Variants in WDR97 observed in about 807,000 individuals in gnomAD.
The protein encoded by WDR97 is WD repeat-containing protein 97.
In WDR97, 111 loss-of-function variants were observed where a neutral mutation model predicts 65.4. The observed-to-expected ratio is 1.70, with a 90% CI of 1.45 to 1.99. The LOEUF is 1.99. WDR97 is among the 30% of genes most tolerant of loss of function. WDR97 has a pLI of 0.00. For missense variants in WDR97, 1,674 were observed against 865.0 expected, an observed-to-expected ratio of 1.94 and a Z score of -11.73; for synonymous variants, 802 against 397.7, an observed-to-expected ratio of 2.02 and a Z score of -12.10.
chr8:144,115,679 C>A lies in WDR97; in HGVS notation c.4416C>A (p.Asp1472Glu). 1.4e-6 allele frequency: 1 copy of A among 699,472 alleles called. No homozygotes were observed. The allele number at this position is 699,472 out of a possible 1,614,324, so 43.3% of individuals were successfully genotyped here. A position where few individuals can be genotyped will look rare whatever the true frequency, so the allele number is the denominator to read the frequency against. Residue 1472 changes from aspartate (D) to glutamate (E), a missense_variant, in exon 22 of 24, where the codon GAC becomes GAA. Transcript: ENST00000323662. ...PGEPPPLEET[D>E]WSHSQLLDLG... ...AGCCGCCGCCGCTGGAGGAGACCGA[C>A]TGGTCGCACTCGCAGCTGCTGGACT...
In WDR97 at chr8:144,115,375, C is replaced by T; in HGVS notation, c.4112C>T (p.Ala1371Val). ...TCGCAGACGTCAGTGGTCTCTGGGG[C>T]ACCCACACGCGCCTCCGTGATACCC... ...TPSQTSVVSG[A>V]PTRASVIPSG... Residue 1371 changes from alanine to valine, a missense_variant, in exon 22 of 24, where the codon GCA becomes GTA. Coordinates refer to ENST00000323662, the MANE Select transcript of WDR97 (RefSeq NM_001316309.2). 1.6e-6 allele frequency: 1 copy of T among 615,624 alleles called. No individual in the cohort carries two copies. 38.1% of individuals were successfully genotyped at this position (615,624 alleles called of 1,614,324 possible).
Position 144,109,322 on chromosome 8 carries a change from A to C in WDR97, c.1001-13A>C, listed in dbSNP as rs1228113617. On this transcript the variant is annotated splice_polypyrimidine_tract_variant and intron_variant, in intron 4 of 23. Coordinates refer to ENST00000323662, the MANE Select transcript of WDR97 (RefSeq NM_001316309.2). ...GCCTTCAGTCGGCCGAGTGACCTGC[A>C]CCCCTCCCACAGGCCCGGTGACGGC... 1 of 701,458 alleles carries C rather than the reference A, an allele frequency of 1.4e-6. No individual in the cohort carries two copies. The highest frequency in any genetic ancestry group is 2.6e-6 in the Non-Finnish European group (1 of 384,450). The allele number at this position is 701,458 out of a possible 1,614,324, so 43.5% of individuals were successfully genotyped here. A position where few individuals can be genotyped will look rare whatever the true frequency, so the allele number is the denominator to read the frequency against.
Position 144,111,622 on chromosome 8 carries a change from C to A in WDR97, c.2488-10C>A. 1.5e-6 allele frequency: 1 copy of A among 683,064 alleles called. No homozygotes were observed. The highest frequency in any genetic ancestry group is 1.5e-5 in the South Asian group (1 of 64,992). 42.3% of individuals were successfully genotyped at this position (683,064 alleles called of 1,614,324 possible). ...AGGAAGAGCAGGCTGATCCCTGAAC[C>A]CTGACTCAGGACTTGGACGCCATAG... On this transcript the variant is annotated splice_polypyrimidine_tract_variant and intron_variant, in intron 11 of 23. Transcript: ENST00000323662.
At position 144,110,451 on chromosome 8, in the gene WDR97, G is replaced by C. The variant is rs1290407576; in HGVS notation, c.1954G>C (p.Gly652Arg). Reference protein sequence around the residue: ...CYPAVALCALGRRVTAGFEDP... With the variant: ...CYPAVALCALRRRVTAGFEDP... ...CCCGGCCGTGGCGCTCTGTGCGCTAGGCAGACGCGTCACCGCGGGCTTTGA... is the reference window on the plus strand; with the variant it reads ...CCCGGCCGTGGCGCTCTGTGCGCTACGCAGACGCGTCACCGCGGGCTTTGA... The change falls in exon 7 of 24, where the codon GGC (glycine) becomes CGC (arginine). Residue 652 changes from glycine to arginine, a missense_variant. Coordinates refer to ENST00000323662, the MANE Select transcript of WDR97 (RefSeq NM_001316309.2). 2.8e-6 allele frequency: 2 copies of C among 702,924 alleles called. No individual in the cohort carries two copies. The highest frequency in any genetic ancestry group is 4.0e-5 in the Admixed American group (2 of 50,006). 43.5% of individuals were successfully genotyped at this position (702,924 alleles called of 1,614,324 possible).
chr8:144,110,749 G>A lies in WDR97; in HGVS notation c.2171+10G>A, dbSNP rs913581467. ...AGAACCGCCTCCTGCGGTAGGCTAG[G>A]AGGTGGGGAGGGCTGGGGTCTCCTA... On this transcript the variant is annotated intron_variant, in intron 8 of 23. Coordinates refer to ENST00000323662, the MANE Select transcript of WDR97 (RefSeq NM_001316309.2). 5.7e-6 allele frequency: 4 copies of A among 702,642 alleles called. No homozygotes were observed. Among genetic ancestry groups the A allele is most frequent in the Non-Finnish European group, 7.8e-6 (3 of 384,902 alleles). The allele number at this position is 702,642 out of a possible 1,614,324, so 43.5% of individuals were successfully genotyped here. A position where few individuals can be genotyped will look rare whatever the true frequency, so the allele number is the denominator to read the frequency against.
chr8:144,116,207 C>A lies in WDR97; in HGVS notation c.4783C>A (p.Pro1595Thr). Reference sequence around the variant, plus strand: ...TTTCCCCCTGGACTGGCCTATGCCCCCGCGCCCGCTGCCCCCGCGGCTCCT... The same window carrying A: ...TTTCCCCCTGGACTGGCCTATGCCCACGCGCCCGCTGCCCCCGCGGCTCCT... Reference protein sequence around the residue: ...QPFPLDWPMPPRPLPPRLLQP... With the variant: ...QPFPLDWPMPTRPLPPRLLQP... Residue 1595 changes from proline (P) to threonine (T), a missense_variant, in exon 24 of 24, where the codon CCG becomes ACG. Pro to Thr is a conservative substitution (Grantham distance 38). Coordinates refer to ENST00000323662, the MANE Select transcript of WDR97 (RefSeq NM_001316309.2). 1.5e-6 allele frequency: 1 copy of A among 688,722 alleles called. No homozygotes were observed. The allele number at this position is 688,722 out of a possible 1,614,324, so 42.7% of individuals were successfully genotyped here.
chr8:144,110,017 C>A lies in WDR97; in HGVS notation c.1683C>A (p.Ala561=). ...TGCGCTGCAGCTCTGTGGCCTGCGC[C>A]TGGAAGAACAAGAACCGGTGGGTGC... ...GELRCSSVAC[A]WKNKNRYLPV... Residue 561 remains alanine (A), a synonymous_variant, in exon 5 of 24, where the codon GCC becomes GCA. Coordinates refer to ENST00000323662, the MANE Select transcript of WDR97 (RefSeq NM_001316309.2). The A allele has an allele frequency of 1.4e-6, 1 of 696,960 alleles. No individual in the cohort carries two copies. The highest frequency in any genetic ancestry group is 1.5e-5 in the South Asian group (1 of 67,234). The allele number at this position is 696,960 out of a possible 1,614,324, so 43.2% of individuals were successfully genotyped here.
rs974795496 is a variant in WDR97, at chr8:144,112,389, G to T, written c.3021+40G>T. ...CAGGTGGGGTACCACCTACTGAGGG[G>T]CAGAGCTGCCGGGGTGCTAGGGGCT... On this transcript the variant is annotated intron_variant, in intron 14 of 23. Coordinates refer to ENST00000323662, the MANE Select transcript of WDR97 (RefSeq NM_001316309.2). 3 of 702,434 alleles carry T rather than the reference G, an allele frequency of 4.3e-6. No homozygotes were observed. In the African/African-American group the frequency reaches 5.2e-5, roughly 12 times the overall value. 43.5% of individuals were successfully genotyped at this position (702,434 alleles called of 1,614,324 possible). A position where few individuals can be genotyped will look rare whatever the true frequency, so the allele number is the denominator to read the frequency against.
At position 144,114,429 on chromosome 8, in the gene WDR97, G is replaced by A. The variant is rs1178911982; in HGVS notation, c.3746G>A (p.Gly1249Asp). 1.4e-6 allele frequency: 1 copy of A among 702,786 alleles called. No individual in the cohort carries two copies. Among genetic ancestry groups the A allele is most frequent in the Non-Finnish European group, 2.6e-6 (1 of 384,982 alleles). The allele number at this position is 702,786 out of a possible 1,614,324, so 43.5% of individuals were successfully genotyped here. The stretch of plus-strand genomic sequence containing the variant: ...AGTGATCTCCAAGGCCAGCTGCAGG[G>A]CCTGCTCGTACACTTGCTCAACCTG... ...MSSDLQGQLQ[G>D]LLVHLLNLDQ... is the part of the protein sequence containing the mutation. The change falls in exon 19 of 24, where the codon GGC (glycine) becomes GAC (aspartate). Residue 1249 changes from glycine to aspartate, a missense_variant. Coordinates refer to ENST00000323662, the MANE Select transcript of WDR97 (RefSeq NM_001316309.2).
Position 144,111,728 on chromosome 8 carries a change from C to T in WDR97, c.2584C>T (p.Arg862Cys), listed in dbSNP as rs544661734. ...AAQPPPSWQQRQEGFDNYLRL... is the reference protein window; with the variant it reads ...AAQPPPSWQQCQEGFDNYLRL... The stretch of plus-strand genomic sequence containing the variant: ...CCAGCCCCCACCCTCCTGGCAGCAG[C>T]GCCAGGAAGGCTTTGACAATTACCT... The change falls in exon 12 of 24, where the codon CGC (arginine) becomes TGC (cysteine). Residue 862 changes from arginine (R) to cysteine (C), a missense_variant. By Grantham distance (180) the Arg-to-Cys change is radical (BLOSUM62 -3). Coordinates refer to ENST00000323662, the MANE Select transcript of WDR97 (RefSeq NM_001316309.2). 3.2e-5 allele frequency: 22 copies of T among 695,306 alleles called. No individual in the cohort carries two copies. Among genetic ancestry groups the T allele is most frequent in the African/African-American group, 2.1e-4 (12 of 57,070 alleles). The allele number at this position is 695,306 out of a possible 1,614,324, so 43.1% of individuals were successfully genotyped here. A position where few individuals can be genotyped will look rare whatever the true frequency, so the allele number is the denominator to read the frequency against.
In WDR97 at chr8:144,117,720, A is replaced by G. The variant is rs1814794898; in HGVS notation, c.*1427A>G. The G allele has an allele frequency of 6.6e-6, 1 of 152,326 alleles. No individual in the cohort carries two copies. Among genetic ancestry groups the G allele is most frequent in the Non-Finnish European group, 1.5e-5 (1 of 68,178 alleles). 9.4% of individuals were successfully genotyped at this position (152,326 alleles called of 1,614,324 possible). A position where few individuals can be genotyped will look rare whatever the true frequency, so the allele number is the denominator to read the frequency against. ...AACCTCTGCCTCCCGGATTCAAGCA[A>G]TTCTCCTTCCTCAGCCTCCTGAGTA... On this transcript the variant is annotated 3_prime_UTR_variant, in exon 24 of 24. Transcript: ENST00000323662.
In WDR97 at chr8:144,108,776, C is replaced by G; in HGVS notation, c.710C>G (p.Ser237Ter). 1.4e-6 allele frequency: 1 copy of G among 702,368 alleles called. No individual in the cohort carries two copies. Among genetic ancestry groups the G allele is most frequent in the Non-Finnish European group, 2.6e-6 (1 of 384,760 alleles). 43.5% of individuals were successfully genotyped at this position (702,368 alleles called of 1,614,324 possible). A position where few individuals can be genotyped will look rare whatever the true frequency, so the allele number is the denominator to read the frequency against. ...SGGRRLVLRGSALHPPPSPTG... is the reference protein window; with the variant it reads ...SGGRRLVLRG ...GGTCGCCGCCTGGTGCTGCGAGGGT[C>G]AGCACTGCACCCGCCCCCGAGCCCA... The change falls in exon 3 of 24, where the codon TCA (serine) becomes TGA (stop). Residue 237 changes from serine to a stop codon, truncating the protein, a stop_gained. Transcript: ENST00000323662. LOFTEE classifies it high-confidence loss of function.
In WDR97 at chr8:144,111,175, C is replaced by G. The variant is rs943062167; in HGVS notation, c.2379C>G (p.Ser793=). 2.8e-6 allele frequency: 2 copies of G among 702,640 alleles called. No homozygotes were observed. The highest frequency in any genetic ancestry group is 5.2e-6 in the Non-Finnish European group (2 of 385,014). The allele number at this position is 702,640 out of a possible 1,614,324, so 43.5% of individuals were successfully genotyped here. A position where few individuals can be genotyped will look rare whatever the true frequency, so the allele number is the denominator to read the frequency against. The part of the protein sequence containing the change: ...LPLMSQESLT[S]AQLQRLTNLH... Reference sequence around the variant, plus strand: ...TGATGAGCCAGGAGTCACTGACTTCCGCCCAACTGCAGAGGCTCACCAACC... The same window carrying G: ...TGATGAGCCAGGAGTCACTGACTTCGGCCCAACTGCAGAGGCTCACCAACC... The change falls in exon 10 of 24, where the codon TCC becomes TCG. Residue 793 remains serine (S), a synonymous_variant. Transcript: ENST00000323662.
rs1836463288 is a variant in WDR97, at chr8:144,108,455, G to GCCTGCA, written c.397_402dup (p.Leu133_His134dup). ...TTCGTGGTGCTGGACGGCGCGGGCCGCCTGCACCTGCACAAGGAAGACGGC... is the reference window on the plus strand; with the variant it reads ...TTCGTGGTGCTGGACGGCGCGGGCCGCCTGCACCTGCACCTGCACAAGGAAGACGGC... On this transcript the variant is annotated inframe_insertion, in exon 3 of 24. Coordinates refer to ENST00000323662, the MANE Select transcript of WDR97 (RefSeq NM_001316309.2). 1 of 699,814 alleles carries GCCTGCA rather than the reference G, an allele frequency of 1.4e-6. No homozygotes were observed. The highest frequency in any genetic ancestry group is 2.0e-5 in the Admixed American group (1 of 49,832). The allele number at this position is 699,814 out of a possible 1,614,324, so 43.4% of individuals were successfully genotyped here.
rs529446745 is a variant in WDR97 at position 144,116,276 on chromosome 8, C to G, written c.4852C>G (p.Pro1618Ala). ...CTACTTTCTGCCAGCGGACGCGGAC[C>G]CTGACACCTACAGCTGACCGGACTG... is the stretch of plus-strand genomic sequence containing the variant. ...QRYFLPADAD[P>A]DTYS The change falls in exon 24 of 24, where the codon CCT (proline) becomes GCT (alanine). Residue 1618 changes from proline (P) to alanine (A), a missense_variant. By Grantham distance (27) the Pro-to-Ala change is conservative. Coordinates refer to ENST00000323662, the MANE Select transcript of WDR97 (RefSeq NM_001316309.2). The G allele has an allele frequency of 2.0e-5, 13 of 650,178 alleles. No homozygotes were observed. Among genetic ancestry groups the G allele is most frequent in the South Asian group, 2.0e-4 (12 of 61,242 alleles). 40.3% of individuals were successfully genotyped at this position (650,178 alleles called of 1,614,324 possible).
In WDR97 at chr8:144,109,575, T is replaced by C. The variant is rs775430761; in HGVS notation, c.1241T>C (p.Leu414Pro). Reference protein sequence around the residue: ...SSMQLWRVRELYSPLAQLPAK... With the variant: ...SSMQLWRVREPYSPLAQLPAK... ...ATGCAGCTGTGGCGCGTACGCGAGCTCTACTCGCCGTTGGCGCAACTGCCC... is the reference window on the plus strand; with the variant it reads ...ATGCAGCTGTGGCGCGTACGCGAGCCCTACTCGCCGTTGGCGCAACTGCCC... The change falls in exon 5 of 24, where the codon CTC becomes CCC. Residue 414 changes from leucine (L) to proline (P), a missense_variant. Leu to Pro is a moderately conservative substitution (Grantham distance 98). Coordinates refer to ENST00000323662, the MANE Select transcript of WDR97 (RefSeq NM_001316309.2). 2.9e-6 allele frequency: 2 copies of C among 693,038 alleles called. No homozygotes were observed. 42.9% of individuals were successfully genotyped at this position (693,038 alleles called of 1,614,324 possible). A position where few individuals can be genotyped will look rare whatever the true frequency, so the allele number is the denominator to read the frequency against.
rs1011457687 is a variant in WDR97, at chr8:144,109,903, G to A, written c.1569G>A (p.Gln523=). ...RVCPPPPPAP[Q]PCCLHLYSHL... ...GCCCGCCGCCGCCCCCTGCGCCGCAGCCTTGCTGTCTGCACCTGTACAGCC... is the reference window on the plus strand; with the variant it reads ...GCCCGCCGCCGCCCCCTGCGCCGCAACCTTGCTGTCTGCACCTGTACAGCC... Residue 523 remains glutamine (Q), a synonymous_variant, in exon 5 of 24, where the codon CAG becomes CAA. Transcript: ENST00000323662. 51 of 701,914 alleles carry A rather than the reference G, an allele frequency of 7.3e-5. No homozygotes were observed. Among genetic ancestry groups the A allele is most frequent in the Middle Eastern group, 6.9e-4 (3 of 4,362 alleles). The allele number at this position is 701,914 out of a possible 1,614,324, so 43.5% of individuals were successfully genotyped here. A position where few individuals can be genotyped will look rare whatever the true frequency, so the allele number is the denominator to read the frequency against.
Position 144,108,335 on chromosome 8 carries a change from G to A in WDR97, c.269G>A (p.Arg90His), listed in dbSNP as rs758429623. 101 of 693,822 alleles carry A rather than the reference G, an allele frequency of 1.5e-4. No homozygotes were observed. In the East Asian group the frequency reaches 2.6e-3, roughly 18 times the overall value. The allele number at this position is 693,822 out of a possible 1,614,324, so 43.0% of individuals were successfully genotyped here. Residue 90 changes from arginine (R) to histidine (H), a missense_variant, in exon 3 of 24, where the codon CGC (arginine) becomes CAC (histidine). Arg to His is a conservative substitution (Grantham distance 29). Coordinates refer to ENST00000323662, the MANE Select transcript of WDR97 (RefSeq NM_001316309.2). The part of the protein sequence containing the change: ...VVEKEKRAEL[R>H]AARLTHGLEP... ...CCACAGGAGAAGAGAGCCGAGCTGCGCGCGGCGCGCCTGACGCATGGGCTG... is the reference window on the plus strand; with the variant it reads ...CCACAGGAGAAGAGAGCCGAGCTGCACGCGGCGCGCCTGACGCATGGGCTG...
chr8:144,115,416 T>G lies in WDR97; in HGVS notation c.4153T>G (p.Ser1385Ala). Residue 1385 changes from serine to alanine, a missense_variant, in exon 22 of 24, where the codon TCG becomes GCG. Ser to Ala is a moderately conservative substitution (Grantham distance 99, BLOSUM62 1). Transcript: ENST00000323662. The stretch of plus-strand genomic sequence containing the variant: ...CGTGATACCCTCGGGCACCTCCTGG[T>G]CGGCCTCCGGCATCTTCGGGAGGCT... ...ASVIPSGTSW[S>A]ASGIFGRLSQ... 2 of 669,874 alleles carry G rather than the reference T, an allele frequency of 3.0e-6. No homozygotes were observed. The highest frequency in any genetic ancestry group is 2.8e-5 in the East Asian group (1 of 36,326). The allele number at this position is 669,874 out of a possible 1,614,324, so 41.5% of individuals were successfully genotyped here.
Sources: gnomAD v4.1 joint callset for allele counts on GRCh38, gnomAD v4.1.1 for gene constraint, MANE v1.5 for transcripts, NCBI Gene and HGNC (gene_info 2026-07-23, HGNC 2026-07-21) for gene names.